Variants in GNA14 observed in about 807,000 individuals in gnomAD.
GNA14 encodes guanine nucleotide-binding protein subunit alpha-14.
In GNA14, 50 loss-of-function variants were observed where a neutral mutation model predicts 42.0. The observed-to-expected ratio is 1.19, with a 90% CI of 0.95 to 1.51. The LOEUF (loss-of-function observed/expected upper bound fraction) is 1.51, where lower values mean the gene tolerates loss of function less well. GNA14 is among the 40% of genes most tolerant of loss of function. The pLI, the probability that GNA14 is intolerant of heterozygous loss-of-function variation, is 0.00. For synonymous variants in GNA14, 173 were observed against 163.1 expected (o/e 1.06, Z -0.46); for missense variants, 473 against 446.2 (o/e 1.06, Z -0.54).
intron 2 of GNA14, among the ~76,000 whole-genome samples, chr9:77,445,776 C>T (rs558502841): frequency 1.3e-5 from 2 of 152,062 alleles, no homozygotes; most frequent in South Asian, 4.2e-4. Flanking sequence ...GTTAATTGTA[C>T]GTGCCCAGGG....
chr9:77,495,667 T>C (rs533219655), intron 2 of GNA14, among the ~76,000 whole-genome samples: 2 of 152,346 alleles, frequency 1.3e-5, no homozygotes, highest in Admixed American at 6.5e-5. Flanking sequence ...TAAAGTTTAC[T>C]GTATGCTTAA....
chr9:77,596,518 T>A (rs1195335972), intron 1 of GNA14, among the ~76,000 whole-genome samples: 3 of 152,128 alleles, frequency 2.0e-5, no homozygotes, highest in Non-Finnish European at 2.9e-5. Flanking sequence ...CCATAATAAG[T>A]GCCTCTGATG....
chr9:77,444,510 G>C (rs562186739), intron 2 of GNA14, among the ~76,000 whole-genome samples: 1 of 152,142 alleles, frequency 6.6e-6, no homozygotes, highest in African/African-American at 2.4e-5. Context: ...CTTGGTTTTC[G>C]TGGGTTCTGC....
chr9:77,527,000 A>G (rs558931096), intron 2 of GNA14, among the ~76,000 whole-genome samples: 2 of 152,372 alleles, frequency 1.3e-5, no homozygotes, highest in East Asian at 3.9e-4. Flanking sequence ...TAGGTTTTAC[A>G]AACGCTGCTG....
intron 1 of GNA14, among the ~76,000 whole-genome samples, chr9:77,569,985 T>A (rs567934693): frequency 3.3e-5 from 5 of 152,178 alleles, no homozygotes; most frequent in African/African-American, 1.2e-4. Flanking sequence ...CAGTCTGATC[T>A]CGAACTCTTG....
At chr9:77,430,927 G>A (rs1401995326) in intron 4 of GNA14, among the ~76,000 whole-genome samples, 1 of 151,750 alleles carries the variant, frequency 6.6e-6, no homozygotes, top group East Asian at 1.9e-4. Flanking sequence ...GATAAATCTT[G>A]GAGAAGGAAA....
chr9:77,637,183 G>A (rs539597545), intron 1 of GNA14, among the ~76,000 whole-genome samples: 42 of 152,272 alleles, frequency 2.8e-4, no homozygotes, highest in African/African-American at 9.4e-4. Context: ...GAGGTACTGG[G>A]TCATGAACTA....
At chr9:77,623,718 G>C (rs7047125) in intron 1 of GNA14, among the ~76,000 whole-genome samples, 3,471 of 152,254 alleles carry the variant, frequency 0.023, 143 homozygotes, top group African/African-American at 0.079. Flanking sequence ...TGTGCCATGA[G>C]GAACGGTGCA....
intron 2 of GNA14, among the ~76,000 whole-genome samples, chr9:77,451,203 A>G (rs1362634573): frequency 5.3e-5 from 8 of 152,230 alleles, no homozygotes; most frequent in African/African-American, 1.9e-4. Context: ...GGAGCTTTCG[A>G]TGAATTTATC....
intron 2 of GNA14, among the ~76,000 whole-genome samples, chr9:77,435,957 G>A (rs1254274174): frequency 6.6e-6 from 1 of 152,204 alleles, no homozygotes; most frequent in Non-Finnish European, 1.5e-5. Flanking sequence ...AGCAGCAGCT[G>A]TGAGTCAGCA....
intron 2 of GNA14, among the ~76,000 whole-genome samples, chr9:77,435,556 ATATT>A (rs1230021507): frequency 6.6e-6 from 1 of 152,034 alleles, no homozygotes; most frequent in African/African-American, 2.4e-5. Context: ...TTATATTACC[ATATT>A]TATTATTACT....
chr9:77,609,185 C>G (rs1437065824), intron 1 of GNA14, among the ~76,000 whole-genome samples: 1 of 152,150 alleles, frequency 6.6e-6, no homozygotes, highest in African/African-American at 2.4e-5. Context: ...AGCTAAATAT[C>G]AACTTCACTG....
intron 1 of GNA14, among the ~76,000 whole-genome samples, chr9:77,530,228 A>G (rs1329547547): frequency 6.6e-6 from 1 of 152,154 alleles, no homozygotes; most frequent in Non-Finnish European, 1.5e-5. Flanking sequence ...TGAATGGTTT[A>G]GCACCCTCAC....
intron 2 of GNA14, among the ~76,000 whole-genome samples, chr9:77,453,051 G>T (rs192629896): frequency 2.0e-5 from 3 of 152,292 alleles, no homozygotes; most frequent in Admixed American, 2.0e-4. Flanking sequence ...GAGGCAGGAG[G>T]ATGGCGTCAG....
chr9:77,436,289 T>G (rs1835637836), intron 2 of GNA14, among the ~76,000 whole-genome samples: 2 of 152,160 alleles, frequency 1.3e-5, no homozygotes, highest in Non-Finnish European at 2.9e-5. Flanking sequence ...TTCTAAACAG[T>G]GTAGTTGGGA....
chr9:77,426,978 A>C (rs1165582880), intron 5 of GNA14, among the ~76,000 whole-genome samples: 1 of 152,144 alleles, frequency 6.6e-6, no homozygotes, highest in Non-Finnish European at 1.5e-5. Context: ...GCATTGGGGG[A>C]ATTACGATCT....
At chr9:77,552,587 T>G (rs1331717964) in intron 1 of GNA14, among the ~76,000 whole-genome samples, 2 of 152,174 alleles carry the variant, frequency 1.3e-5, no homozygotes, top group African/African-American at 2.4e-5. Context: ...CAAGATCACC[T>G]CACCAAGAAT....
intron 1 of GNA14, among the ~76,000 whole-genome samples, chr9:77,626,391 T>C (rs1041150227): frequency 6.6e-6 from 1 of 152,166 alleles, no homozygotes; most frequent in African/African-American, 2.4e-5. Flanking sequence ...GCGGACCTAA[T>C]AGACATCTAC....
intron 1 of GNA14, among the ~76,000 whole-genome samples, chr9:77,580,787 T>C (rs1823211459): frequency 2.0e-5 from 3 of 152,182 alleles, no homozygotes; most frequent in African/African-American, 7.2e-5. Context: ...TGCATGATGT[T>C]TGGATGCTAG....
Sources: gnomAD v4.1 joint callset for allele counts (sites outside exome capture counted in the v4.1 genomes callset) on GRCh38, gnomAD v4.1.1 for gene constraint, MANE v1.5 for transcripts, NCBI Gene and HGNC (gene_info 2026-07-23, HGNC 2026-07-21) for gene names.